UNC5D: variants seen among roughly 807,000 people sequenced by gnomAD.
UNC5D encodes netrin receptor UNC5D.
UNC5D carries 39 observed loss-of-function variants against 105.4 expected under a neutral mutation model. The observed-to-expected ratio is 0.37, with a 90% CI of 0.29 to 0.48. The LOEUF is 0.48. UNC5D is among the 20% of genes least tolerant of loss of function. The probability of loss-of-function intolerance (pLI) is 0.98; values close to 1 mark genes in which losing one functional copy is unlikely to be tolerated. For synonymous variants in UNC5D, 452 were observed against 450.4 expected (o/e 1.00, Z -0.04); for missense variants, 991 against 1,202.4 (o/e 0.82, Z 2.60).
At chr8:35,720,763 C>T (rs1241566836) in intron 8 of UNC5D, among the ~76,000 whole-genome samples, 2 of 152,108 alleles carry the variant, frequency 1.3e-5, no homozygotes, top group African/African-American at 2.4e-5. Flanking sequence ...GTTTAAATCA[C>T]ACCCTGTTTC....
At chr8:35,269,089 T>A (rs969050260) in intron 1 of UNC5D, among the ~76,000 whole-genome samples, 3 of 152,186 alleles carry the variant, frequency 2.0e-5, no homozygotes, top group Non-Finnish European at 4.4e-5. Context: ...AAACACATAT[T>A]TAAGGTGATG....
At chr8:35,744,262 A>G (rs1185070532) in intron 11 of UNC5D, among the ~76,000 whole-genome samples, 2 of 152,206 alleles carry the variant, frequency 1.3e-5, no homozygotes, top group Non-Finnish European at 2.9e-5. Context: ...GATCCATCCC[A>G]TTCCTGGGAA....
In UNC5D at chr8:35,627,396, A is replaced by G. The variant is rs76899490; in HGVS notation, c.570+31739A>G. ...CAGGGGAGCTGCAGATTCTGAGCAC[A>G]CTCAGGGCATCTTTATTGTATTAAT... is the stretch of plus-strand genomic sequence containing the variant. On this transcript the variant is annotated intron_variant, in intron 4 of 16. Transcript: ENST00000404895. Among the ~76,000 whole-genome samples, 29 of 152,242 alleles carry G rather than the reference A, an allele frequency of 1.9e-4. No homozygotes were observed. The East Asian group carries it at 5.6e-3, about 29-fold the overall frequency.
chr8:35,253,487 T>C (rs1211913660), intron 1 of UNC5D, among the ~76,000 whole-genome samples: 1 of 137,044 alleles, frequency 7.3e-6, no homozygotes, highest in African/African-American at 2.7e-5. Flanking sequence ...TTTTTTTTTT[T>C]TTTTTTTCTT....
Position 35,458,671 on chromosome 8 carries a change from G to T in UNC5D, c.104-90621G>T, listed in dbSNP as rs141851412. 1.4e-3 allele frequency among the ~76,000 whole-genome samples: 212 copies of T among 152,306 alleles called. 1 individual carries two copies. Among genetic ancestry groups the T allele is most frequent in the African/African-American group, 4.7e-3 (196 of 41,570 alleles). ...TGGTTGGTACACATTCAGGGCCAGA[G>T]AGGTGCTCCGAGTGGATATCAATGA... is the stretch of plus-strand genomic sequence containing the variant. On this transcript the variant is annotated intron_variant, in intron 1 of 16. Transcript: ENST00000404895.
At chr8:35,477,128 C>A (rs759641497) in intron 1 of UNC5D, among the ~76,000 whole-genome samples, 1 of 152,134 alleles carries the variant, frequency 6.6e-6, no homozygotes, top group Non-Finnish European at 1.5e-5. Context: ...AGGTAATTTT[C>A]TTTGTGCTTT....
At chr8:35,485,834 C>A (rs1260494506) in intron 1 of UNC5D, among the ~76,000 whole-genome samples, 3 of 152,120 alleles carry the variant, frequency 2.0e-5, no homozygotes, top group Non-Finnish European at 4.4e-5. Flanking sequence ...ATATGTAAAA[C>A]CATGGTAGAC....
chr8:35,325,068 C>A (rs1412082583), intron 1 of UNC5D, among the ~76,000 whole-genome samples: 1 of 152,022 alleles, frequency 6.6e-6, no homozygotes, highest in Non-Finnish European at 1.5e-5. Context: ...TCTCAGCCAA[C>A]AAAAAACTGA....
At chr8:35,294,697 C>CT (rs36071675) in intron 1 of UNC5D, among the ~76,000 whole-genome samples, 59,572 of 141,048 alleles carry the variant, frequency 0.42, 12,675 homozygotes, top group Middle Eastern at 0.5. Flanking sequence ...TTCTTTTCTT[C>CT]TTTTTTTTTT....
intron 8 of UNC5D, among the ~76,000 whole-genome samples, chr8:35,715,405 A>G (rs1252980981): frequency 6.6e-6 from 1 of 152,222 alleles, no homozygotes; most frequent in Admixed American, 6.5e-5. Flanking sequence ...CTTTTTGCAT[A>G]GTATATGTAC....
intron 11 of UNC5D, among the ~76,000 whole-genome samples, chr8:35,746,411 T>C (rs532809964): frequency 6.6e-6 from 1 of 152,294 alleles, no homozygotes; most frequent in East Asian, 1.9e-4. Context: ...GGTGAACTTC[T>C]GGTGAAGTTT....
At chr8:35,408,773 A>AG (rs2128956149) in intron 1 of UNC5D, among the ~76,000 whole-genome samples, 1 of 152,078 alleles carries the variant, frequency 6.6e-6, no homozygotes, top group African/African-American at 2.4e-5. Context: ...AAGAAAAAAA[A>AG]AACTACTACC....
intron 1 of UNC5D, among the ~76,000 whole-genome samples, chr8:35,238,392 T>C (rs1217504957): frequency 1.3e-5 from 2 of 152,226 alleles, no homozygotes; most frequent in Non-Finnish European, 2.9e-5. Context: ...CAATGTTCTG[T>C]TTCCCTCCTT....
At chr8:35,373,843 A>G (rs941586800) in intron 1 of UNC5D, among the ~76,000 whole-genome samples, 10 of 152,178 alleles carry the variant, frequency 6.6e-5, no homozygotes, top group African/African-American at 1.7e-4. Flanking sequence ...GTTGATAGAC[A>G]CTTCACCACT....
intron 4 of UNC5D, among the ~76,000 whole-genome samples, chr8:35,676,803 T>C (rs1825257165): frequency 6.6e-6 from 1 of 152,078 alleles, no homozygotes; most frequent in Non-Finnish European, 1.5e-5. Context: ...GTGTAGGGCA[T>C]TGAGCTCCTC....
chr8:35,590,926 A>G (rs1450363141), intron 3 of UNC5D, among the ~76,000 whole-genome samples: 5 of 152,178 alleles, frequency 3.3e-5, no homozygotes, highest in Non-Finnish European at 1.5e-5. Context: ...ATGCATATTT[A>G]TGATATATTA....
intron 1 of UNC5D, among the ~76,000 whole-genome samples, chr8:35,282,743 C>A (rs1806284897): frequency 6.8e-6 from 1 of 148,134 alleles, no homozygotes; most frequent in Admixed American, 6.8e-5. Flanking sequence ...AGCAGCATAT[C>A]CTTCTTTCCT....
intron 1 of UNC5D, among the ~76,000 whole-genome samples, chr8:35,498,189 A>G (rs2130201429): frequency 6.6e-6 from 1 of 151,442 alleles, no homozygotes; most frequent in Admixed American, 6.6e-5. Flanking sequence ...CTGTCAAATG[A>G]TACAGACATG....
At chr8:35,425,937 G>C (rs751088905) in intron 1 of UNC5D, among the ~76,000 whole-genome samples, 5 of 152,064 alleles carry the variant, frequency 3.3e-5, no homozygotes, top group Non-Finnish European at 7.4e-5. Context: ...ATCTGGTTTA[G>C]GCACTAACAT....
Sources: allele counts gnomAD v4.1 joint callset (sites outside exome capture counted in the v4.1 genomes callset), GRCh38; gene constraint gnomAD v4.1.1; transcripts MANE v1.5; gene names NCBI Gene and HGNC (gene_info 2026-07-23, HGNC 2026-07-21).